PNPLA7: variants seen among roughly 807,000 people sequenced by gnomAD.
PNPLA7 encodes the protein patatin-like phospholipase domain-containing protein 7.
Under a neutral mutation model 161.7 loss-of-function variants are expected in PNPLA7, and 153 were observed. The observed-to-expected ratio is 0.95, with a 90% CI of 0.83 to 1.08. The LOEUF is 1.08. Ranked by LOEUF, PNPLA7 falls within the 50% of genes least tolerant of loss-of-function variation. The pLI is 0.00. For missense variants in PNPLA7, 1,739 were observed against 1,856.6 expected (o/e 0.94, Z 1.16); for synonymous variants, 809 against 782.1 (o/e 1.03, Z -0.57).
Position 137,467,269 on chromosome 9 carries a change from A to G in PNPLA7, c.3039+48T>C. The G allele has an allele frequency of 6.4e-7, 1 of 1,563,328 alleles. No individual in the cohort carries two copies. The highest frequency in any genetic ancestry group is 8.7e-7 in the Non-Finnish European group (1 of 1,151,886). ...GGCCCCAGCGTCCCCCAGCACCAGC[A>G]AGGACCTGGGGGCTGTGCTCCGGTG... On this transcript the variant is annotated intron_variant, in intron 26 of 34. Coordinates refer to ENST00000406427, the MANE Select transcript of PNPLA7 (RefSeq NM_001098537.3). This position sits in a 1 kb window ranked among gnomAD's most constrained non-coding sequence, Gnocchi z 5.1.
chr9:137,474,545 C>T (rs1047103870), intron 25 of PNPLA7, among the ~76,000 whole-genome samples: 1 of 152,162 alleles, frequency 6.6e-6, no homozygotes. Context: ...CACCGGAGTG[C>T]CGTGGGGAAA....
Position 137,479,247 on chromosome 9 carries a change from C to A in PNPLA7, c.2581-9G>T. ...TCCAGCATCCGCTCCAGCTGAAAGG[C>A]AGAGCCCACGTGTCTGCCAGCCGGG... is the stretch of plus-strand genomic sequence containing the variant. On this transcript the variant is annotated splice_polypyrimidine_tract_variant and intron_variant, in intron 23 of 34. Coordinates refer to ENST00000406427, the MANE Select transcript of PNPLA7 (RefSeq NM_001098537.3). 1 of 1,521,420 alleles carries A rather than the reference C, an allele frequency of 6.6e-7. No individual in the cohort carries two copies. The highest frequency in any genetic ancestry group is 8.9e-7 in the Non-Finnish European group (1 of 1,128,590). 94.2% of individuals were successfully genotyped at this position (1,521,420 alleles called of 1,614,324 possible). A position where few individuals can be genotyped will look rare whatever the true frequency, so the allele number is the denominator to read the frequency against.
Position 137,490,337 on chromosome 9 carries a change from T to C in PNPLA7, c.2197+2676A>G, listed in dbSNP as rs1832705040. 6.6e-6 allele frequency among the ~76,000 whole-genome samples: 1 copy of C among 152,130 alleles called. No individual in the cohort carries two copies. Among genetic ancestry groups the C allele is most frequent in the Admixed American group, 6.5e-5 (1 of 15,272 alleles). The stretch of plus-strand genomic sequence containing the variant: ...GTCTCGAACTCTTGGGCTCAAATAA[T>C]CCTCCTGTCTCGGCCTCCCAAAGTG... On this transcript the variant is annotated intron_variant, in intron 20 of 34. Transcript: ENST00000406427. This position sits in a 1 kb window ranked among gnomAD's most constrained non-coding sequence, Gnocchi z 4.1.
At chr9:137,502,107 T>A (rs1049202995) in intron 14 of PNPLA7, among the ~76,000 whole-genome samples, 3 of 152,188 alleles carry the variant, frequency 2.0e-5, no homozygotes, top group Admixed American at 2.0e-4. Flanking sequence ...ACCTACAGAA[T>A]GATGCCCTCC....
In PNPLA7 at chr9:137,479,257, G is replaced by A. The variant is rs113832428; in HGVS notation, c.2581-19C>T. ...GCTCCAGCTGAAAGGCAGAGCCCAC[G>A]TGTCTGCCAGCCGGGTGAGCCTGGG... is the stretch of plus-strand genomic sequence containing the variant. On this transcript the variant is annotated intron_variant, in intron 23 of 34. Transcript: ENST00000406427. 2.2e-5 allele frequency: 33 copies of A among 1,506,032 alleles called. No individual in the cohort carries two copies. The highest frequency in any genetic ancestry group is 5.5e-5 in the African/African-American group (4 of 72,452). The allele number at this position is 1,506,032 out of a possible 1,614,324, so 93.3% of individuals were successfully genotyped here.
At chr9:137,517,181 C>A (rs1466944840) in intron 11 of PNPLA7, among the ~76,000 whole-genome samples, 5 of 143,380 alleles carry the variant, frequency 3.5e-5, no homozygotes, top group Middle Eastern at 3.5e-3. Flanking sequence ...CCCACTCACT[C>A]ACTCCACTCT....
In PNPLA7 at chr9:137,522,749, T is replaced by G. The variant is rs763723334; in HGVS notation, c.856A>C (p.Thr286Pro). ...CTCACCTGCACCACCCTCACCAGAGTTTCCGGATATTTCTCAAAAACTCCA... is the reference window on the plus strand; with the variant it reads ...CTCACCTGCACCACCCTCACCAGAGGTTCCGGATATTTCTCAAAAACTCCA... ...FHGVFEKYPE[T>P]LVRVVQIIMV... Residue 286 changes from threonine (T) to proline (P), a missense_variant, in exon 9 of 35, where the codon ACT becomes CCT. This residue lies in a region of PNPLA7 where 152 missense variants were observed against 193.5 expected (regional missense o/e 0.79). Coordinates refer to ENST00000406427, the MANE Select transcript of PNPLA7 (RefSeq NM_001098537.3). 5.0e-5 allele frequency: 80 copies of G among 1,613,156 alleles called. No individual in the cohort carries two copies. In the Middle Eastern group the frequency reaches 3.0e-3, roughly 60 times the overall value.
intron 8 of PNPLA7, among the ~76,000 whole-genome samples, chr9:137,538,736 A>G (rs1836024645): frequency 6.6e-6 from 1 of 152,248 alleles, no homozygotes; most frequent in South Asian, 2.1e-4. Context: ...CTCAAAGAAA[A>G]AAAGATTAAA....
At position 137,491,801 on chromosome 9, in the gene PNPLA7, C is replaced by T. The variant is rs932485615; in HGVS notation, c.2197+1212G>A. 22 of 985,330 alleles carry T rather than the reference C, an allele frequency of 2.2e-5. 1 individual carries two copies. In the African/African-American group the frequency reaches 3.7e-4, roughly 16 times the overall value. 61.0% of individuals were successfully genotyped at this position (985,330 alleles called of 1,614,324 possible). A position where few individuals can be genotyped will look rare whatever the true frequency, so the allele number is the denominator to read the frequency against. ...CACAGACGCAGGCTCCTGCTCCCAG[C>T]CAGCTCACACGCCAATGCCAGAGGC... On this transcript the variant is annotated intron_variant, in intron 20 of 34. Coordinates refer to ENST00000406427, the MANE Select transcript of PNPLA7 (RefSeq NM_001098537.3).
chr9:137,496,252 C>T (rs1564311491), intron 18 of PNPLA7, among the ~76,000 whole-genome samples: 1 of 151,514 alleles, frequency 6.6e-6, no homozygotes, highest in Admixed American at 6.6e-5. Flanking sequence ...GGATTACAGG[C>T]ACCCGCCACC....
Position 137,462,785 on chromosome 9 carries a change from A to G in PNPLA7, c.3392T>C (p.Val1131Ala), listed in dbSNP as rs1588525958. ...MGAKVVIAID[V>A]GSRDETDLTN... is the part of the protein sequence containing the mutation. ...GAGGTCCGTCTCATCTCGGCTGCCC[A>G]CGTCAATGGCGATCACCACTTTTGC... Residue 1131 changes from valine to alanine, a missense_variant, in exon 30 of 35, where the codon GTG becomes GCG. Transcript: ENST00000406427. 6.2e-7 allele frequency: 1 copy of G among 1,613,512 alleles called. No individual in the cohort carries two copies. Among genetic ancestry groups the G allele is most frequent in the Admixed American group, 1.7e-5 (1 of 59,964 alleles).
chr9:137,514,780 A>G (rs861065), intron 12 of PNPLA7, among the ~76,000 whole-genome samples: 58,683 of 108,636 alleles, frequency 0.54, 17,423 homozygotes, highest in East Asian at 0.73. Context: ...GCCGGGCTGC[A>G]GGTGGGTCAC....
intron 8 of PNPLA7, among the ~76,000 whole-genome samples, chr9:137,530,898 G>C (rs558168689): frequency 1.3e-5 from 2 of 152,218 alleles, no homozygotes; most frequent in South Asian, 4.1e-4. Context: ...AAGGAACTTA[G>C]AGGGTGCCCA....
chr9:137,480,833 TCACACCACAGTGTGCTGGACGAGGAG>T lies in PNPLA7; in HGVS notation c.2411+101_2411+126del, dbSNP rs747151418. Reference sequence around the variant, plus strand: ...GTGAAGGGAGTCACGTCATCAGCCCTCACACCACAGTGTGCTGGACGAGGAGCACGCTGCAGTGCAGATGCTGGATG... The same window carrying T: ...GTGAAGGGAGTCACGTCATCAGCCCTCACGCTGCAGTGCAGATGCTGGATG... On this transcript the variant is annotated intron_variant, in intron 22 of 34. Coordinates refer to ENST00000406427, the MANE Select transcript of PNPLA7 (RefSeq NM_001098537.3). The T allele has an allele frequency of 1.8e-3, 1,959 of 1,075,278 alleles. 2 individuals carry two copies. The highest frequency in any genetic ancestry group is 2.3e-3 in the Non-Finnish European group (1,718 of 733,756). 66.6% of individuals were successfully genotyped at this position (1,075,278 alleles called of 1,614,324 possible). A position where few individuals can be genotyped will look rare whatever the true frequency, so the allele number is the denominator to read the frequency against.
In PNPLA7 at chr9:137,521,693, C is replaced by T. The variant is rs752055035; in HGVS notation, c.900G>A (p.Arg300=). 1 of 1,611,342 alleles carries T rather than the reference C, an allele frequency of 6.2e-7. No homozygotes were observed. The highest frequency in any genetic ancestry group is 8.5e-7 in the Non-Finnish European group (1 of 1,179,760). Residue 300 remains arginine (R), a synonymous_variant, in exon 10 of 35, where the codon AGG becomes AGA. Coordinates refer to ENST00000406427, the MANE Select transcript of PNPLA7 (RefSeq NM_001098537.3). ...AGTTGTGCAGAGCCAGAAAGGTCAC[C>T]CTCTGCAGCCGCACCATGATGATCT... ...VVQIIMVRLQ[R]VTFLALHNYL...
chr9:137,549,031 G>A (rs937285758), intron 1 of PNPLA7, among the ~76,000 whole-genome samples: 13 of 152,242 alleles, frequency 8.5e-5, no homozygotes, highest in African/African-American at 3.1e-4. Flanking sequence ...GATTATCCAA[G>A]GAAGGCCTAT....
intron 29 of PNPLA7, 191 bp from the exon 30 acceptor site, chr9:137,463,024 C>T (rs1251625960): frequency 2.5e-6 from 2 of 791,622 alleles, no homozygotes; most frequent in East Asian, 2.7e-5. Context: ...TGTCCTGGGC[C>T]TTTCTGACCG....
Position 137,522,782 on chromosome 9 carries a change from C to A in PNPLA7, c.823G>T (p.Ala275Ser). Residue 275 changes from alanine (A) to serine (S), a missense_variant, in exon 9 of 35, where the codon GCT becomes TCT. Physicochemically the swap from Ala to Ser is moderately conservative, Grantham distance 99 (BLOSUM62 1). Around this residue, in one of 6 missense-constraint regions of PNPLA7, gnomAD observed 152 missense variants for 193.5 expected, o/e 0.79. Coordinates refer to ENST00000406427, the MANE Select transcript of PNPLA7 (RefSeq NM_001098537.3). ...PSTILRLPAA[A>S]FHGVFEKYPE... ...TATTTCTCAAAAACTCCATGAAAAG[C>A]CGCAGCTGGAAGCCGGAGGATGGTG... 6.2e-7 allele frequency: 1 copy of A among 1,613,836 alleles called. No individual in the cohort carries two copies. Among genetic ancestry groups the A allele is most frequent in the South Asian group, 1.1e-5 (1 of 91,086 alleles).
In PNPLA7 at chr9:137,467,223, G is replaced by T; in HGVS notation, c.3039+94C>A. 1 of 1,459,910 alleles carries T rather than the reference G, an allele frequency of 6.8e-7. No homozygotes were observed. 90.4% of individuals were successfully genotyped at this position (1,459,910 alleles called of 1,614,324 possible). A position where few individuals can be genotyped will look rare whatever the true frequency, so the allele number is the denominator to read the frequency against. On this transcript the variant is annotated intron_variant, in intron 26 of 34. Transcript: ENST00000406427. This position sits in a 1 kb window ranked among gnomAD's most constrained non-coding sequence, Gnocchi z 5.1. ...GCCTCCTCGAGGGCAGGGCCCTGCA[G>T]AGCCACATGCAGAGGCCAACGGCCC...
Sources: gnomAD v4.1 joint callset for allele counts (sites outside exome capture counted in the v4.1 genomes callset) on GRCh38, gnomAD v4.1.1 for gene constraint, gnomAD v4.1.1 regional missense constraint, Gnocchi (gnomAD v3.1) non-coding constraint, MANE v1.5 for transcripts, NCBI Gene and HGNC (gene_info 2026-07-23, HGNC 2026-07-21) for gene names.